Variants in MMP26 observed in about 807,000 individuals in gnomAD.
MMP26 encodes matrix metalloproteinase-26.
MMP26 carries 33 observed loss-of-function variants against 31.0 expected under a neutral mutation model. The ratio of observed to expected loss-of-function variants is 1.06; its 90% CI spans 0.81 to 1.42. The LOEUF is 1.42. Ranked by LOEUF, MMP26 falls within the 40% of genes most tolerant of loss-of-function variation. The pLI, the probability that MMP26 is intolerant of heterozygous loss-of-function variation, is 0.00. For synonymous variants in MMP26, 122 were observed against 114.9 expected (o/e 1.06, Z -0.40); for missense variants, 347 against 316.1 (o/e 1.10, Z -0.74).
At position 4,748,730 on chromosome 11, in the gene MMP26, A is replaced by T. The variant is rs578027720; in HGVS notation, c.-216-18540A>T. On this transcript the variant is annotated intron_variant, in intron 1 of 7. Coordinates refer to ENST00000380390, the MANE Select transcript of MMP26 (RefSeq NM_021801.5). ...GCAATAGTTGCAGAATAAGCAATTGATAAAATTCAGCATGAGTTCGTGAAA... is the reference window on the plus strand; with the variant it reads ...GCAATAGTTGCAGAATAAGCAATTGTTAAAATTCAGCATGAGTTCGTGAAA... 1.2e-3 allele frequency among the ~76,000 whole-genome samples: 182 copies of T among 152,186 alleles called. 1 individual carries two copies. The highest frequency in any genetic ancestry group is 4.2e-3 in the African/African-American group (174 of 41,562).
intron 2 of MMP26, among the ~76,000 whole-genome samples, chr11:4,815,472 T>C (rs1849408080): frequency 6.6e-6 from 1 of 152,226 alleles, no homozygotes; most frequent in Non-Finnish European, 1.5e-5. Context: ...CAGGTTTACC[T>C]GACACAGTTC....
chr11:4,952,727 T>C (rs1694116874), intron 2 of MMP26, among the ~76,000 whole-genome samples: 1 of 125,070 alleles, frequency 8.0e-6, no homozygotes, highest in Non-Finnish European at 1.8e-5. Context: ...CTAAAATAAA[T>C]AAGAAAAAAC....
chr11:4,781,433 G>A lies in MMP26; in HGVS notation c.-145+14092G>A, dbSNP rs572344816. ...GCGGTGGCGGGCGCCTGTAGTCCCAGCTACTCGGGAGGCTGAGGCAGGAGA... is the reference window on the plus strand; with the variant it reads ...GCGGTGGCGGGCGCCTGTAGTCCCAACTACTCGGGAGGCTGAGGCAGGAGA... On this transcript the variant is annotated intron_variant, in intron 2 of 7. Coordinates refer to ENST00000380390, the MANE Select transcript of MMP26 (RefSeq NM_021801.5). Among the ~76,000 whole-genome samples, 6 of 115,926 alleles carry A rather than the reference G, an allele frequency of 5.2e-5. 2 individuals carry two copies. The highest frequency in any genetic ancestry group is 1.3e-4 in the African/African-American group (3 of 22,374). 76.1% of individuals were successfully genotyped at this position (115,926 alleles called of 152,430 possible).
intron 2 of MMP26, among the ~76,000 whole-genome samples, chr11:4,879,218 A>T (rs1850425582): frequency 6.6e-6 from 1 of 152,124 alleles, no homozygotes; most frequent in Non-Finnish European, 1.5e-5. Context: ...TCAGTGACAC[A>T]GAGAGATTCT....
chr11:4,935,221 T>C (rs1304115899), intron 2 of MMP26, among the ~76,000 whole-genome samples: 1 of 151,658 alleles, frequency 6.6e-6, no homozygotes, highest in Non-Finnish European at 1.5e-5. Context: ...TGGAATGTTC[T>C]TCCATTTGTT....
At chr11:4,730,648 A>G (rs879826615) in intron 1 of MMP26, among the ~76,000 whole-genome samples, 2 of 152,142 alleles carry the variant, frequency 1.3e-5, no homozygotes, top group Non-Finnish European at 2.9e-5. Flanking sequence ...GTCTCTCTGG[A>G]TCTCTATCAC....
chr11:4,822,115 T>C (rs781516168), intron 2 of MMP26: 2 of 1,612,824 alleles, frequency 1.2e-6, no homozygotes, highest in Non-Finnish European at 1.7e-6. Flanking sequence ...CAGCATTGCT[T>C]CCTCAGAAGA....
chr11:4,977,496 A>C (rs1215412544), intron 2 of MMP26, among the ~76,000 whole-genome samples: 1 of 152,010 alleles, frequency 6.6e-6, no homozygotes, highest in African/African-American at 2.4e-5. Context: ...AGAAGAAAGA[A>C]ATTCTCAAGA....
intron 2 of MMP26, among the ~76,000 whole-genome samples, chr11:4,820,083 C>G (rs944817548): frequency 6.6e-6 from 1 of 152,116 alleles, no homozygotes; most frequent in Admixed American, 6.5e-5. Context: ...CCACACGGAC[C>G]ATAGTATGTC....
intron 2 of MMP26, among the ~76,000 whole-genome samples, chr11:4,771,950 A>G (rs1390164170): frequency 1.3e-5 from 2 of 152,222 alleles, no homozygotes; most frequent in Non-Finnish European, 2.9e-5. Flanking sequence ...CACGATAAAT[A>G]TATCTATCTC....
intron 2 of MMP26, chr11:4,849,337 C>T: frequency 1.2e-6 from 1 of 853,668 alleles, no homozygotes; most frequent in Non-Finnish European, 1.8e-6. Flanking sequence ...CATGCACTCA[C>T]ATACACGTAC....
intron 1 of MMP26, among the ~76,000 whole-genome samples, chr11:4,757,277 G>A (rs183842488): frequency 0.02 from 2,824 of 140,638 alleles, 92 homozygotes; most frequent in African/African-American, 0.085. Flanking sequence ...ATATCACTAT[G>A]AAAAAAAATA....
chr11:4,918,253 AT>A (rs1172283192), intron 2 of MMP26, among the ~76,000 whole-genome samples: 1 of 152,096 alleles, frequency 6.6e-6, no homozygotes, highest in Non-Finnish European at 1.5e-5. Context: ...AGTTGGAAAA[AT>A]TTTGGTTAAC....
At position 4,976,308 on chromosome 11, in the gene MMP26, A is replaced by T. The variant is rs1846735061; in HGVS notation, c.-144-11760A>T. 4.6e-5 allele frequency among the ~76,000 whole-genome samples: 7 copies of T among 152,252 alleles called. No individual in the cohort carries two copies. The South Asian group carries it at 1.5e-3, about 32-fold the overall frequency. On this transcript the variant is annotated intron_variant, in intron 2 of 7. Transcript: ENST00000380390. ...TTATCATGTTCTTTATATTAATAGG[A>T]TAATGATGTTTGTATAATAATGTTG...
At chr11:4,899,071 C>T (rs906523641) in intron 2 of MMP26, among the ~76,000 whole-genome samples, 1 of 152,100 alleles carries the variant, frequency 6.6e-6, no homozygotes, top group Non-Finnish European at 1.5e-5. Flanking sequence ...CTGAATGTGG[C>T]CTGCTCACCA....
intron 2 of MMP26, among the ~76,000 whole-genome samples, chr11:4,828,252 G>A (rs963533455): frequency 2.6e-5 from 4 of 152,102 alleles, no homozygotes. Context: ...GCTAAAAACT[G>A]CTCTAGGTTT....
intron 1 of MMP26, among the ~76,000 whole-genome samples, chr11:4,764,055 A>G (rs1589893330): frequency 6.6e-6 from 1 of 152,166 alleles, no homozygotes; most frequent in African/African-American, 2.4e-5. Context: ...TTTAATGTTT[A>G]TTACTTTTTA....
At chr11:4,905,738 A>G (rs1850877359) in intron 2 of MMP26, among the ~76,000 whole-genome samples, 1 of 152,162 alleles carries the variant, frequency 6.6e-6, no homozygotes, top group South Asian at 2.1e-4. Context: ...TGATTGTCTT[A>G]GAGATTTGTG....
Position 4,988,076 on chromosome 11 carries a change from G to C in MMP26, c.-136G>C. 2 of 758,836 alleles carry C rather than the reference G, an allele frequency of 2.6e-6. No individual in the cohort carries two copies. Among genetic ancestry groups the C allele is most frequent in the South Asian group, 1.5e-5 (1 of 66,222 alleles). The allele number at this position is 758,836 out of a possible 1,614,324, so 47.0% of individuals were successfully genotyped here. ...CACTCTGCCCTCAGCAGGTATGGATGATGACGCCACTCACAGATTCAAAGA... is the reference window on the plus strand; with the variant it reads ...CACTCTGCCCTCAGCAGGTATGGATCATGACGCCACTCACAGATTCAAAGA... On this transcript the variant is annotated 5_prime_UTR_variant, in exon 3 of 8. An upstream start codon of the reference 5' UTR is lost. Coordinates refer to ENST00000380390, the MANE Select transcript of MMP26 (RefSeq NM_021801.5).
Sources: allele counts gnomAD v4.1 joint callset (sites outside exome capture counted in the v4.1 genomes callset), GRCh38; gene constraint gnomAD v4.1.1; transcripts MANE v1.5; gene names NCBI Gene and HGNC (gene_info 2026-07-23, HGNC 2026-07-21).